The following NDUFAF6 variants were observed in gnomAD, a reference collection of about 807,000 sequenced individuals.
The protein encoded by NDUFAF6 is NADH dehydrogenase (ubiquinone) complex I, assembly factor 6.
Under a neutral mutation model 40.8 loss-of-function variants are expected in NDUFAF6, and 45 were observed. The observed-to-expected ratio is 1.10, with a 90% confidence interval of 0.87 to 1.42. The LOEUF is 1.42. NDUFAF6 is among the 40% of genes most tolerant of loss of function. NDUFAF6 has a pLI of 0.00. For missense variants in NDUFAF6, 435 were observed against 418.5 expected, an observed-to-expected ratio of 1.04 and a Z score of -0.34; for synonymous variants, 185 against 155.9, an observed-to-expected ratio of 1.19 and a Z score of -1.39.
upstream of NDUFAF6, chr8:94,957,901 ATGG>A (rs1422155115): frequency 6.6e-6 from 1 of 152,234 alleles, no homozygotes; most frequent in Non-Finnish European, 1.5e-5. Flanking sequence ...CTTTTTACAA[ATGG>A]TGGTGGTGCT....
chr8:94,981,847 G>C (rs908260529), intron 2 of NDUFAF6, among the ~76,000 whole-genome samples: 1 of 151,600 alleles, frequency 6.6e-6, no homozygotes, highest in African/African-American at 2.4e-5. Flanking sequence ...ATGGGCGCTT[G>C]AGCCCAGGAG....
chr8:95,084,559 C>G (rs1173529916), intron 2 of NDUFAF6, among the ~76,000 whole-genome samples: 1 of 152,276 alleles, frequency 6.6e-6, no homozygotes. Flanking sequence ...CTAGAGTTAA[C>G]TTGTGATTTG....
chr8:95,011,572 G>T (rs1827228400), intron 2 of NDUFAF6, among the ~76,000 whole-genome samples: 1 of 152,200 alleles, frequency 6.6e-6, no homozygotes, highest in African/African-American at 2.4e-5. Context: ...CCTAGATGCA[G>T]CTGGTGCCCT....
At chr8:94,896,456 A>G (rs1304513884) in intron 1 of NDUFAF6, 1 of 152,266 alleles carries the variant, frequency 6.6e-6, no homozygotes, top group East Asian at 1.9e-4. Context: ...GCGCACCCCA[A>G]AACTGCACAT....
intron 1 of NDUFAF6, among the ~76,000 whole-genome samples, chr8:94,969,533 C>G (rs1362248650): frequency 6.6e-6 from 1 of 152,046 alleles, no homozygotes; most frequent in Non-Finnish European, 1.5e-5. Flanking sequence ...CCCAGTTACT[C>G]AAGAGGCTGA....
intron 2 of NDUFAF6, among the ~76,000 whole-genome samples, chr8:95,018,362 A>G (rs1178832318): frequency 1.3e-5 from 2 of 152,124 alleles, no homozygotes; most frequent in Non-Finnish European, 2.9e-5. Flanking sequence ...AAATAAATAA[A>G]ATATCACCAA....
chr8:94,941,349 TATA>T (rs899661292), intron 1 of NDUFAF6, among the ~76,000 whole-genome samples: 23 of 152,122 alleles, frequency 1.5e-4, no homozygotes, highest in African/African-American at 5.3e-4. Context: ...TTTATGCTTT[TATA>T]ATAAGGTGAA....
chr8:94,973,745 C>T (rs1234359184), intron 1 of NDUFAF6, among the ~76,000 whole-genome samples: 3 of 149,530 alleles, frequency 2.0e-5, no homozygotes, highest in Admixed American at 6.7e-5. Context: ...TTTGGCCAGA[C>T]GTGGTGGCTC....
At chr8:95,091,658 T>G (rs2132064399) in intron 2 of NDUFAF6, among the ~76,000 whole-genome samples, 1 of 151,826 alleles carries the variant, frequency 6.6e-6, no homozygotes, top group East Asian at 1.9e-4. Context: ...TCTTGCTCTC[T>G]CTTTTGAGAC....
At chr8:95,030,785 A>G (rs1418835718) in intron 1 of NDUFAF6, among the ~76,000 whole-genome samples, 2 of 152,188 alleles carry the variant, frequency 1.3e-5, no homozygotes, top group African/African-American at 4.8e-5. Flanking sequence ...GTAATTTGTA[A>G]AGAAAAGAGG....
Position 95,025,179 on chromosome 8 carries a change from T to C in NDUFAF6, c.171T>C (p.Thr57=). Reference sequence around the variant, plus strand: ...CCAGCGGACCGGGCGCCTGGGGCACTGACCACTACTGCCTGGAGCTGCTGC... The same window carrying C: ...CCAGCGGACCGGGCGCCTGGGGCACCGACCACTACTGCCTGGAGCTGCTGC... ...AAASGPGAWG[T]DHYCLELLRK... is the part of the protein sequence containing the mutation. Residue 57 remains threonine (T), a synonymous_variant, in exon 1 of 9, where the codon ACT becomes ACC. Coordinates refer to ENST00000396124, the MANE Select transcript of NDUFAF6 (RefSeq NM_152416.4). The C allele has an allele frequency of 6.8e-7, 1 of 1,474,306 alleles. No individual in the cohort carries two copies. Among genetic ancestry groups the C allele is most frequent in the Admixed American group, 2.5e-5 (1 of 39,458 alleles). 91.3% of individuals were successfully genotyped at this position (1,474,306 alleles called of 1,614,324 possible). A position where few individuals can be genotyped will look rare whatever the true frequency, so the allele number is the denominator to read the frequency against.
chr8:94,935,017 T>C (rs1390604047), intron 1 of NDUFAF6, among the ~76,000 whole-genome samples: 1 of 152,008 alleles, frequency 6.6e-6, no homozygotes, highest in East Asian at 1.9e-4. Context: ...GACTTGAGAG[T>C]ATGGCAAACT....
exon 6 of NDUFAF6, chr8:95,116,339 T>C (rs1810136228): frequency 6.6e-6 from 1 of 151,804 alleles, no homozygotes; most frequent in Non-Finnish European, 1.5e-5. Flanking sequence ...TACAAGTGAC[T>C]GTACTCGCTA....
chr8:95,089,100 G>T (rs986883883), intron 2 of NDUFAF6, among the ~76,000 whole-genome samples: 3 of 150,360 alleles, frequency 2.0e-5, no homozygotes, highest in African/African-American at 7.4e-5. Flanking sequence ...TGGCTCTGTC[G>T]TCTAGGCTGT....
chr8:94,961,460 C>T (rs939148059), intron 1 of NDUFAF6, among the ~76,000 whole-genome samples: 4 of 152,186 alleles, frequency 2.6e-5, no homozygotes, highest in Non-Finnish European at 4.4e-5. Context: ...CTCGCTCTGT[C>T]GCCCAGGCTG....
chr8:94,967,279 A>T (rs1159998514), intron 1 of NDUFAF6, among the ~76,000 whole-genome samples: 1 of 152,150 alleles, frequency 6.6e-6, no homozygotes. Flanking sequence ...GTTTTCTTGG[A>T]TATGCCCCTC....
intron 1 of NDUFAF6, among the ~76,000 whole-genome samples, chr8:94,916,842 C>T (rs756782769): frequency 8.2e-5 from 11 of 133,702 alleles, no homozygotes; most frequent in African/African-American, 1.1e-4. Context: ...AGGCCGGGCG[C>T]GGTGGCTCAC....
At position 95,058,251 on chromosome 8, in the gene NDUFAF6, G is replaced by A; in HGVS notation, c.*314G>A. ...AAGCCACACTTGAGCCAGTGGGCAG[G>A]GAGAAGGAATGTCATTCTCCCTTCA... On this transcript the variant is annotated 3_prime_UTR_variant, in exon 9 of 9. Coordinates refer to ENST00000396124, the MANE Select transcript of NDUFAF6 (RefSeq NM_152416.4). The A allele has an allele frequency of 1.5e-6, 2 of 1,316,370 alleles. No individual in the cohort carries two copies. The highest frequency in any genetic ancestry group is 9.6e-7 in the Non-Finnish European group (1 of 1,038,518). The allele number at this position is 1,316,370 out of a possible 1,614,324, so 81.5% of individuals were successfully genotyped here. A position where few individuals can be genotyped will look rare whatever the true frequency, so the allele number is the denominator to read the frequency against.
At chr8:95,051,799 C>G (rs1277881948) in intron 7 of NDUFAF6, among the ~76,000 whole-genome samples, 2 of 152,224 alleles carry the variant, frequency 1.3e-5, no homozygotes, top group African/African-American at 4.8e-5. Flanking sequence ...GGCAAGATCA[C>G]CTAGGAGGGT....
Sources: allele counts gnomAD v4.1 joint callset (sites outside exome capture counted in the v4.1 genomes callset), GRCh38; gene constraint gnomAD v4.1.1; transcripts MANE v1.5; gene names NCBI Gene and HGNC (gene_info 2026-07-23, HGNC 2026-07-21).